Variants in PHEX observed in about 807,000 individuals in gnomAD.
PHEX encodes the protein phosphate regulating endopeptidase X-linked.
PHEX carries 16 observed loss-of-function variants against 68.0 expected under a neutral mutation model. The observed-to-expected ratio is 0.24, with a 90% CI of 0.16 to 0.36. The LOEUF (loss-of-function observed/expected upper bound fraction) is 0.36, where lower values mean the gene tolerates loss of function less well. Ranked by LOEUF, PHEX falls within the 10% of genes least tolerant of loss-of-function variation. The pLI is 1.00. For missense variants in PHEX, 480 were observed against 575.5 expected (o/e 0.83, Z 1.70); for synonymous variants, 208 against 205.1 (o/e 1.01, Z -0.12).
intron 2 of PHEX, among the ~76,000 whole-genome samples, chrX:22,041,265 C>CTCTA (rs1468778300): frequency 1.1e-3 from 79 of 72,817 alleles, no homozygotes; most frequent in Middle Eastern, 7.1e-3. Context: ...CTCTCTCTCT[C>CTCTA]TATATATATA....
At chrX:22,045,489 T>C (rs924992961) in intron 2 of PHEX, among the ~76,000 whole-genome samples, 7 of 112,145 alleles carry the variant, frequency 6.2e-5, no homozygotes, top group Admixed American at 9.5e-5. Context: ...AGTTCAATAT[T>C]GGGAATTCTC....
chrX:22,116,442 G>T (rs1018376445), intron 11 of PHEX, among the ~76,000 whole-genome samples: 2 of 111,535 alleles, frequency 1.8e-5, no homozygotes, highest in Non-Finnish European at 3.8e-5. Flanking sequence ...ATAATAATCC[G>T]TGTAGTCAAT....
intron 11 of PHEX, among the ~76,000 whole-genome samples, chrX:22,131,749 T>TAC (rs894697545): frequency 4.4e-5 from 5 of 112,983 alleles, no homozygotes; most frequent in Non-Finnish European, 9.4e-5. Flanking sequence ...ACAATTGATT[T>TAC]ACAACCCCAT....
intron 18 of PHEX, 29 bp downstream of exon 18, chrX:22,221,772 C>T (rs1287499552): frequency 1.7e-6 from 2 of 1,178,451 alleles, no homozygotes; most frequent in Non-Finnish European, 1.2e-6. Flanking sequence ...AAGGGGGGCA[C>T]CTTGTGGTTC....
At chrX:22,179,426 G>A (rs1184763284) in intron 14 of PHEX, among the ~76,000 whole-genome samples, 1 of 110,941 alleles carries the variant, frequency 9.0e-6, no homozygotes, top group African/African-American at 3.3e-5. Flanking sequence ...CCCATCACAC[G>A]AGCAGTGTAC....
intron 11 of PHEX, among the ~76,000 whole-genome samples, chrX:22,130,289 C>T (rs1370257136): frequency 9.0e-6 from 1 of 111,623 alleles, no homozygotes; most frequent in African/African-American, 3.3e-5. Context: ...CCTGTAATCC[C>T]AGCACTTTGG....
chrX:22,210,576 T>G (rs1934888344), intron 15 of PHEX, among the ~76,000 whole-genome samples: 1 of 111,780 alleles, frequency 8.9e-6, no homozygotes, highest in African/African-American at 3.3e-5. Flanking sequence ...AATATATATT[T>G]GCATATGTAT....
intron 9 of PHEX, among the ~76,000 whole-genome samples, chrX:22,103,206 C>A (rs1229603535): frequency 8.9e-6 from 1 of 112,052 alleles, no homozygotes; most frequent in Non-Finnish European, 1.9e-5. Context: ...GTATTGTACC[C>A]TCAGCTAGTT....
At chrX:22,127,859 C>A (rs763820896) in intron 11 of PHEX, among the ~76,000 whole-genome samples, 1 of 109,953 alleles carries the variant, frequency 9.1e-6, no homozygotes, top group South Asian at 3.9e-4. Flanking sequence ...AGTGAGTTAC[C>A]GAAGTGTGGA....
chrX:22,064,376 G>T (rs1382380278), intron 3 of PHEX, among the ~76,000 whole-genome samples: 2 of 111,171 alleles, frequency 1.8e-5, no homozygotes, highest in East Asian at 5.6e-4. Flanking sequence ...TATTTAGCTC[G>T]CATTTATAAG....
chrX:22,045,000 T>C lies in PHEX; in HGVS notation c.188-2050T>C, dbSNP rs111767492. On this transcript the variant is annotated intron_variant, in intron 2 of 21. Coordinates refer to ENST00000379374, the MANE Select transcript of PHEX (RefSeq NM_000444.6). Reference sequence around the variant, plus strand: ...GGCATGAGCCACAGTGTTTGGCTTCTAAACCAATTTTTTGCTAGTGTTTTT... The same window carrying C: ...GGCATGAGCCACAGTGTTTGGCTTCCAAACCAATTTTTTGCTAGTGTTTTT... Among the ~76,000 whole-genome samples, 1,002 of 109,573 alleles carry C rather than the reference T, an allele frequency of 9.1e-3. 13 individuals carry two copies. Among genetic ancestry groups the C allele is most frequent in the African/African-American group, 0.031 (935 of 29,802 alleles).
At chrX:22,076,164 G>C (rs1274299960) in intron 3 of PHEX, among the ~76,000 whole-genome samples, 2 of 112,580 alleles carry the variant, frequency 1.8e-5, no homozygotes, top group Non-Finnish European at 3.7e-5. Flanking sequence ...TTTCTTTTGA[G>C]TTAGGAGTAC....
chrX:22,071,438 T>C (rs1928897631), intron 3 of PHEX, among the ~76,000 whole-genome samples: 1 of 111,640 alleles, frequency 9.0e-6, no homozygotes, highest in African/African-American at 3.3e-5. Context: ...TTCAATTGGA[T>C]GAAAGTCTCT....
At chrX:22,221,177 G>A (rs1049501631) in intron 17 of PHEX, among the ~76,000 whole-genome samples, 1 of 111,366 alleles carries the variant, frequency 9.0e-6, no homozygotes, top group Non-Finnish European at 1.9e-5. Flanking sequence ...GTCTATGATC[G>A]CACAGTATGG....
At chrX:22,171,541 T>C (rs1391176993) in intron 13 of PHEX, 1 of 110,104 alleles carries the variant, frequency 9.1e-6, no homozygotes, top group Admixed American at 9.7e-5. Flanking sequence ...AGTTCTCCTC[T>C]ACTCTCCTAA....
chrX:22,233,785 A>T (rs1162008790), intron 20 of PHEX, among the ~76,000 whole-genome samples: 1 of 111,628 alleles, frequency 9.0e-6, no homozygotes, highest in Non-Finnish European at 1.9e-5. Context: ...GAAGTTTGTT[A>T]TCACCCACCT....
chrX:22,036,731 CTTT>C (rs11291706), intron 1 of PHEX, among the ~76,000 whole-genome samples: 4 of 97,485 alleles, frequency 4.1e-5, no homozygotes, highest in Non-Finnish European at 4.1e-5. Context: ...TTTTACATAA[CTTT>C]TTTTTTTTTT....
At position 22,042,918 on chromosome X, in the gene PHEX, G is replaced by A. The variant is rs1046217614; in HGVS notation, c.188-4132G>A. Reference sequence around the variant, plus strand: ...AACCCAGAAAACGATGTAACTCTCAGTTGGCAAGATGGGGGCCTGATCTCA... The same window carrying A: ...AACCCAGAAAACGATGTAACTCTCAATTGGCAAGATGGGGGCCTGATCTCA... On this transcript the variant is annotated intron_variant, in intron 2 of 21. Transcript: ENST00000379374. 2.7e-5 allele frequency among the ~76,000 whole-genome samples: 3 copies of A among 112,693 alleles called. No homozygotes were observed. The East Asian group carries it at 8.3e-4, about 31-fold the overall frequency.
intron 12 of PHEX, among the ~76,000 whole-genome samples, chrX:22,151,615 G>T (rs776512731): frequency 4.0e-4 from 45 of 111,208 alleles, no homozygotes; most frequent in Non-Finnish European, 7.5e-4. Context: ...TTCTCTCCCC[G>T]AGGTGCCATT....
Sources: gnomAD v4.1 joint callset for allele counts (sites outside exome capture counted in the v4.1 genomes callset) on GRCh38, gnomAD v4.1.1 for gene constraint, MANE v1.5 for transcripts, NCBI Gene and HGNC (gene_info 2026-07-23, HGNC 2026-07-21) for gene names.